The following MFSD8 variants were observed in gnomAD, a reference collection of about 807,000 sequenced individuals.
MFSD8 encodes major facilitator superfamily domain-containing protein 8.
Under a neutral mutation model 66.4 loss-of-function variants are expected in MFSD8, and 55 were observed. That is an observed-to-expected ratio of 0.83 (90% CI 0.67 to 1.04). MFSD8 has a LOEUF of 1.04. Among genes scored for constraint, MFSD8 ranks in the 50% least tolerant of loss-of-function variants. The probability of loss-of-function intolerance (pLI) is 0.00; values close to 1 mark genes in which losing one functional copy is unlikely to be tolerated. For synonymous variants in MFSD8, 202 were observed against 212.8 expected (o/e 0.95, Z 0.44); for missense variants, 550 against 627.6 (o/e 0.88, Z 1.32).
chr4:127,946,001 A>G (rs1327978474), intron 3 of MFSD8, among the ~76,000 whole-genome samples: 1 of 151,734 alleles, frequency 6.6e-6, no homozygotes, highest in Admixed American at 6.6e-5. Flanking sequence ...GCTCACTGTA[A>G]CCTCAAACTC....
At chr4:127,964,818 A>C in intron 1 of MFSD8, 1 of 595,714 alleles carries the variant, frequency 1.7e-6, no homozygotes, top group African/African-American at 1.9e-5. Flanking sequence ...GTGCTGCAAC[A>C]GGCAAAGCAG....
intron 2 of MFSD8, among the ~76,000 whole-genome samples, chr4:127,955,909 G>A (rs1023831879): frequency 6.6e-5 from 10 of 152,046 alleles, no homozygotes; most frequent in East Asian, 5.8e-4. Flanking sequence ...ATGAGGTCAC[G>A]AGATCGAGAC....
rs560660176 is a variant in MFSD8, at chr4:127,952,327, C to A, written c.155-2480G>T. Among the ~76,000 whole-genome samples the A allele has an allele frequency of 3.8e-4, 58 of 151,992 alleles. 1 individual carries two copies. The South Asian group carries it at 0.012, about 31-fold the overall frequency. On this transcript the variant is annotated intron_variant, in intron 2 of 11. Coordinates refer to ENST00000641686, the MANE Select transcript of MFSD8 (RefSeq NM_001371596.2). Reference sequence around the variant, plus strand: ...GTTGAGGCAGGAGAATGGCGAGAACCCGGGAGGCGAAGCTTGCAGTGAGCA... The same window carrying A: ...GTTGAGGCAGGAGAATGGCGAGAACACGGGAGGCGAAGCTTGCAGTGAGCA...
chr4:127,954,232 A>G (rs1035142392), intron 2 of MFSD8, among the ~76,000 whole-genome samples: 1 of 152,246 alleles, frequency 6.6e-6, no homozygotes, highest in Admixed American at 6.5e-5. Context: ...TGAATAGGTT[A>G]AAATACATCA....
chr4:127,961,936 G>T (rs1022446889), intron 1 of MFSD8, among the ~76,000 whole-genome samples: 1 of 151,686 alleles, frequency 6.6e-6, no homozygotes, highest in Non-Finnish European at 1.5e-5. Context: ...CTCTCAGTCA[G>T]AACTACCAGG....
intron 4 of MFSD8, chr4:127,943,493 T>G (rs1199770847): frequency 2.4e-6 from 1 of 422,532 alleles, no homozygotes; most frequent in Non-Finnish European, 4.4e-6. Flanking sequence ...TAGCTGGTAT[T>G]ATAGGCACGT....
intron 7 of MFSD8, among the ~76,000 whole-genome samples, chr4:127,934,936 T>C (rs938462072): frequency 7.8e-6 from 1 of 128,094 alleles, no homozygotes; most frequent in Non-Finnish European, 1.6e-5. Context: ...TGTCAGTTGT[T>C]GTTAGTGGGT....
chr4:127,925,582 G>A (rs1737065366), intron 9 of MFSD8, among the ~76,000 whole-genome samples: 7 of 152,138 alleles, frequency 4.6e-5, no homozygotes, highest in Admixed American at 4.6e-4. Flanking sequence ...TAAAAAGTCG[G>A]GGAACAACAG....
At chr4:127,957,348 T>C (rs1222571973) in intron 2 of MFSD8, among the ~76,000 whole-genome samples, 153 bp downstream of exon 2, 2 of 152,218 alleles carry the variant, frequency 1.3e-5, no homozygotes, top group African/African-American at 2.4e-5. Flanking sequence ...CTTAAGGCTA[T>C]TGAACTTAGA....
chr4:127,929,591 CAAAAAGAAAAAA>C (rs937584887), intron 9 of MFSD8, among the ~76,000 whole-genome samples: 4 of 131,294 alleles, frequency 3.0e-5, no homozygotes, highest in African/African-American at 1.1e-4. Context: ...CCATCTTTTA[CAAAAAGAAAAAA>C]AAAAAGAAGA....
At chr4:127,947,863 A>AC (rs1741317139) in intron 3 of MFSD8, among the ~76,000 whole-genome samples, 2 of 141,098 alleles carry the variant, frequency 1.4e-5, no homozygotes, top group African/African-American at 5.2e-5. Context: ...TGCACGTGTG[A>AC]ACACACACAC....
In MFSD8 at chr4:127,965,152, G is replaced by T. The variant is rs750582324; in HGVS notation, c.-19C>A. 5.0e-6 allele frequency: 8 copies of T among 1,613,770 alleles called. No individual in the cohort carries two copies. Among genetic ancestry groups the T allele is most frequent in the African/African-American group, 1.3e-5 (1 of 75,078 alleles). On this transcript the variant is annotated 5_prime_UTR_variant, in exon 1 of 12. Transcript: ENST00000641686. Reference sequence around the variant, plus strand: ...CGGCCATAGTTACACTCCCTACAAGGCGTCTTGCGCCCAACTCTCGCGACA... The same window carrying T: ...CGGCCATAGTTACACTCCCTACAAGTCGTCTTGCGCCCAACTCTCGCGACA...
intron 8 of MFSD8, among the ~76,000 whole-genome samples, 159 bp from the exon 9 acceptor site, chr4:127,930,976 C>T (rs1196672126): frequency 2.0e-5 from 3 of 152,090 alleles, no homozygotes; most frequent in East Asian, 1.9e-4. Context: ...ACATTTTAAG[C>T]GTTTGTTGTT....
chr4:127,948,472 A>G (rs1261263125), intron 3 of MFSD8, among the ~76,000 whole-genome samples: 1 of 152,156 alleles, frequency 6.6e-6, no homozygotes, highest in Non-Finnish European at 1.5e-5. Context: ...TTCCAAGTGT[A>G]CTTTCCTTCT....
At chr4:127,960,983 A>C (rs1194440901) in intron 1 of MFSD8, among the ~76,000 whole-genome samples, 1 of 152,192 alleles carries the variant, frequency 6.6e-6, no homozygotes, top group Non-Finnish European at 1.5e-5. Context: ...TGCCCTAAAC[A>C]AGCCTAAAAT....
At chr4:127,932,489 T>A (rs1276724364) in intron 8 of MFSD8, 1 of 152,580 alleles carries the variant, frequency 6.6e-6, no homozygotes, top group African/African-American at 2.4e-5. Context: ...GAATGTACTA[T>A]TTTTATAATT....
At position 127,934,102 on chromosome 4, in the gene MFSD8, G is replaced by T. The variant is rs115384380; in HGVS notation, c.755-1009C>A. 5.2e-3 allele frequency among the ~76,000 whole-genome samples: 785 copies of T among 152,250 alleles called. 8 individuals are homozygous for T. Among genetic ancestry groups the T allele is most frequent in the African/African-American group, 0.018 (757 of 41,552 alleles). ...AAAAATACAAAAAAGAATTAGCCGG[G>T]CGTGGTGCCACATGCCTGTAATCTC... is the stretch of plus-strand genomic sequence containing the variant. On this transcript the variant is annotated intron_variant, in intron 7 of 11. Coordinates refer to ENST00000641686, the MANE Select transcript of MFSD8 (RefSeq NM_001371596.2).
At chr4:127,929,322 CAAAAAAAAAAAAAAA>C in intron 9 of MFSD8, among the ~76,000 whole-genome samples, 1 of 30,362 alleles carries the variant, frequency 3.3e-5, no homozygotes, top group South Asian at 1.9e-3. Flanking sequence ...GACTCCGTCA[CAAAAAAAAAAAAAAA>C]AAAAAAAAAA....
At chr4:127,951,012 A>G (rs1000425367) in intron 2 of MFSD8, among the ~76,000 whole-genome samples, 13 of 151,764 alleles carry the variant, frequency 8.6e-5, no homozygotes, top group Non-Finnish European at 1.9e-4. Context: ...GTGAGCCAAG[A>G]TTGCACCACT....
Sources: gnomAD v4.1 joint callset for allele counts (sites outside exome capture counted in the v4.1 genomes callset) on GRCh38, gnomAD v4.1.1 for gene constraint, MANE v1.5 for transcripts, NCBI Gene and HGNC (gene_info 2026-07-23, HGNC 2026-07-21) for gene names.